Variants in SPAG16 observed in about 807,000 individuals in gnomAD.
SPAG16 encodes sperm-associated antigen 16 protein.
SPAG16 carries 86 observed loss-of-function variants against 80.4 expected under a neutral mutation model. The observed-to-expected ratio is 1.07, with a 90% confidence interval of 0.90 to 1.28. The LOEUF is 1.28. SPAG16 is among the 50% of genes most tolerant of loss of function. SPAG16 has a pLI of 0.00. For synonymous variants in SPAG16, 294 were observed against 265.9 expected, an observed-to-expected ratio of 1.11 and a Z score of -1.03; for missense variants, 870 against 765.3, an observed-to-expected ratio of 1.14 and a Z score of -1.61.
At chr2:213,828,790 G>C (rs1271793477) in intron 10 of SPAG16, among the ~76,000 whole-genome samples, 1 of 152,178 alleles carries the variant, frequency 6.6e-6, no homozygotes, top group Non-Finnish European at 1.5e-5. Context: ...AGACTTGTAA[G>C]GGTATCACCT....
chr2:213,851,706 G>T (rs1332696981), intron 10 of SPAG16, among the ~76,000 whole-genome samples: 1 of 152,148 alleles, frequency 6.6e-6, no homozygotes, highest in Non-Finnish European at 1.5e-5. Flanking sequence ...TACCAGCCAG[G>T]TGGCAAGGCA....
chr2:213,792,959 C>T (rs1575151550), intron 10 of SPAG16, among the ~76,000 whole-genome samples: 3 of 151,880 alleles, frequency 2.0e-5, no homozygotes, highest in Non-Finnish European at 2.9e-5. Flanking sequence ...TGAAGTCTCA[C>T]TCTTGTCCCC....
chr2:214,205,976 C>T (rs185250475), intron 15 of SPAG16, among the ~76,000 whole-genome samples: 16 of 152,006 alleles, frequency 1.1e-4, no homozygotes, highest in Admixed American at 9.2e-4. Context: ...GGGCAGATTA[C>T]GAGGTCAGGA....
chr2:214,040,056 A>G (rs1355404133), intron 13 of SPAG16, among the ~76,000 whole-genome samples: 6 of 152,194 alleles, frequency 3.9e-5, no homozygotes, highest in South Asian at 2.1e-4. Context: ...GTCGTCAGAC[A>G]TGGAAAAAAC....
chr2:213,450,700 T>G lies in SPAG16; in HGVS notation c.943-39263T>G, dbSNP rs938468927. 2.6e-5 allele frequency among the ~76,000 whole-genome samples: 4 copies of G among 152,334 alleles called. No homozygotes were observed. The East Asian group carries it at 7.7e-4, about 29-fold the overall frequency. ...TGATTTTTAGCATTATGTGTTTGCC[T>G]TAGAGTTTATGTGCACAAAACTATT... On this transcript the variant is annotated intron_variant, in intron 9 of 15. Transcript: ENST00000331683.
chr2:213,482,911 T>A (rs944717405), intron 9 of SPAG16, among the ~76,000 whole-genome samples: 1 of 152,180 alleles, frequency 6.6e-6, no homozygotes, highest in Non-Finnish European at 1.5e-5. Context: ...ATTCCATGAT[T>A]TTCTGTGTTA....
Position 214,392,460 on chromosome 2 carries a change from A to T in SPAG16, c.1721-17680A>T, listed in dbSNP as rs531530747. Among the ~76,000 whole-genome samples, 22 of 152,264 alleles carry T rather than the reference A, an allele frequency of 1.4e-4. 1 individual carries two copies. Among genetic ancestry groups the T allele is most frequent in the Admixed American group, 1.2e-3 (18 of 15,286 alleles). On this transcript the variant is annotated intron_variant, in intron 15 of 15. Transcript: ENST00000331683. ...AAGAGCCACAGTGCTGAGCCTCAGA[A>T]TCTTATCCCTGTACTCACCCTTCCT...
intron 10 of SPAG16, among the ~76,000 whole-genome samples, chr2:213,802,984 G>T (rs774459098): frequency 2.0e-5 from 3 of 151,868 alleles, no homozygotes; most frequent in Non-Finnish European, 2.9e-5. Context: ...GTCTCATCTG[G>T]ATTATACTTC....
At chr2:214,382,737 G>A (rs1043712641) in intron 15 of SPAG16, among the ~76,000 whole-genome samples, 1 of 152,116 alleles carries the variant, frequency 6.6e-6, no homozygotes, top group African/African-American at 2.4e-5. Flanking sequence ...GTCCCTTTGT[G>A]TCTCCAAATA....
At chr2:213,696,285 G>C (rs532247087) in intron 10 of SPAG16, among the ~76,000 whole-genome samples, 1 of 152,274 alleles carries the variant, frequency 6.6e-6, no homozygotes, top group East Asian at 1.9e-4. Context: ...TTTTATGCAT[G>C]CTAAATTTAG....
At chr2:214,269,905 T>C (rs1018896435) in intron 15 of SPAG16, among the ~76,000 whole-genome samples, 5 of 152,150 alleles carry the variant, frequency 3.3e-5, no homozygotes, top group Admixed American at 6.5e-5. Flanking sequence ...TATCCTGAAA[T>C]GTTTGCTTAA....
intron 10 of SPAG16, among the ~76,000 whole-genome samples, chr2:213,533,598 T>A (rs2076146539): frequency 6.6e-6 from 1 of 152,210 alleles, no homozygotes; most frequent in Non-Finnish European, 1.5e-5. Context: ...CATGCCAATT[T>A]TTCTGTCTTT....
intron 10 of SPAG16, among the ~76,000 whole-genome samples, chr2:213,669,721 G>T (rs554746265): frequency 6.6e-6 from 1 of 152,290 alleles, no homozygotes; most frequent in East Asian, 1.9e-4. Flanking sequence ...TGGAATGAAA[G>T]AAAACTGAAT....
chr2:213,302,604 A>G (rs1182672851), intron 3 of SPAG16: 1 of 138,480 alleles, frequency 7.2e-6, no homozygotes, highest in Non-Finnish European at 1.6e-5. Context: ...ATTCATGATC[A>G]CATTAGAGCT....
intron 15 of SPAG16, among the ~76,000 whole-genome samples, chr2:214,315,835 C>A (rs993060696): frequency 6.6e-6 from 1 of 152,170 alleles, no homozygotes; most frequent in African/African-American, 2.4e-5. Context: ...CCTGGCCCTT[C>A]TTTTTCTTTT....
At chr2:213,289,878 C>T (rs909402008) in intron 1 of SPAG16, among the ~76,000 whole-genome samples, 7 of 152,216 alleles carry the variant, frequency 4.6e-5, no homozygotes, top group Admixed American at 1.3e-4. Context: ...CCTACAAATG[C>T]AGCAGTGGAA....
chr2:213,702,266 G>A (rs2065470710), intron 10 of SPAG16, among the ~76,000 whole-genome samples: 1 of 152,190 alleles, frequency 6.6e-6, no homozygotes, highest in Non-Finnish European at 1.5e-5. Context: ...ATGTGGGTGG[G>A]GCCAGATAAG....
Position 214,267,141 on chromosome 2 carries a change from C to A in SPAG16, c.1720+117875C>A, listed in dbSNP as rs1036197922. Among the ~76,000 whole-genome samples, 33 of 149,514 alleles carry A rather than the reference C, an allele frequency of 2.2e-4. 1 individual carries two copies. The highest frequency in any genetic ancestry group is 7.9e-4 in the African/African-American group (32 of 40,728). On this transcript the variant is annotated intron_variant, in intron 15 of 15. Coordinates refer to ENST00000331683, the MANE Select transcript of SPAG16 (RefSeq NM_024532.5). ...CCTGAATAACTAAAGTAACTTTTAC[C>A]AAAAAGATAAAAAGCTAAAAAGATT...
chr2:213,440,769 A>G (rs962261304), intron 9 of SPAG16, among the ~76,000 whole-genome samples: 13 of 152,240 alleles, frequency 8.5e-5, no homozygotes, highest in African/African-American at 2.9e-4. Context: ...TACACCATAT[A>G]CAAAGAATAA....
Sources: allele counts gnomAD v4.1 joint callset (sites outside exome capture counted in the v4.1 genomes callset), GRCh38; gene constraint gnomAD v4.1.1; transcripts MANE v1.5; gene names NCBI Gene and HGNC (gene_info 2026-07-23, HGNC 2026-07-21).